Variants in C1orf105 observed in about 807,000 individuals in gnomAD.
The protein encoded by C1orf105 is chromosome 1 open reading frame 105.
Under a neutral mutation model 20.8 loss-of-function variants are expected in C1orf105, and 17 were observed. The observed-to-expected ratio is 0.82, with a 90% CI of 0.56 to 1.23. C1orf105 has a LOEUF of 1.23. Ranked by LOEUF, C1orf105 falls within the 50% of genes most tolerant of loss-of-function variation. C1orf105 has a pLI of 0.00. For missense variants in C1orf105, 219 were observed against 213.5 expected (o/e 1.03, Z -0.16); for synonymous variants, 72 against 72.1 (o/e 1.00, Z 0.01).
chr1:172,442,745 T>A, intron 1 of C1orf105: 1 of 832,672 alleles, frequency 1.2e-6, no homozygotes, highest in Non-Finnish European at 2.0e-6. Context: ...GTTGATGTTC[T>A]ACCAACCTTT....
intron 6 of C1orf105, 89 bp downstream of exon 6, chr1:172,465,452 A>G (rs748473711): frequency 7.1e-6 from 7 of 991,880 alleles, no homozygotes; most frequent in Non-Finnish European, 9.6e-6. Flanking sequence ...ATAATTTCTA[A>G]ATTTCCTGAG....
chr1:172,422,404 G>C (rs900909691), intron 1 of C1orf105, among the ~76,000 whole-genome samples: 3 of 152,170 alleles, frequency 2.0e-5, no homozygotes, highest in African/African-American at 7.2e-5. Context: ...CTGCCTTGAA[G>C]GGAAGGACCC....
In C1orf105 at chr1:172,463,149, T is replaced by C. The variant is rs561141085; in HGVS notation, c.341+904T>C. On this transcript the variant is annotated intron_variant, in intron 5 of 6. Transcript: ENST00000367727. Reference sequence around the variant, plus strand: ...GAAGAAGGACTCTGTTTTTACTTTATTACAACATGCAAAACATGGACTCAT... The same window carrying C: ...GAAGAAGGACTCTGTTTTTACTTTACTACAACATGCAAAACATGGACTCAT... Among the ~76,000 whole-genome samples the C allele has an allele frequency of 2.4e-4, 37 of 152,288 alleles. No individual in the cohort carries two copies. The South Asian group carries it at 2.5e-3, about 10-fold the overall frequency.
intron 1 of C1orf105, chr1:172,441,825 TG>T: frequency 1.3e-5 from 21 of 1,613,878 alleles, no homozygotes; most frequent in Non-Finnish European, 1.8e-5. Context: ...TGAGGTAGAA[TG>T]GACACAGACA....
At chr1:172,452,340 T>C (rs1648743917) in intron 3 of C1orf105, among the ~76,000 whole-genome samples, 1 of 152,236 alleles carries the variant, frequency 6.6e-6, no homozygotes, top group South Asian at 2.1e-4. Context: ...CCAAGTGTCC[T>C]ATCAGGTCTC....
chr1:172,446,035 C>T (rs948634122), intron 2 of C1orf105, among the ~76,000 whole-genome samples: 1 of 152,186 alleles, frequency 6.6e-6, no homozygotes, highest in African/African-American at 2.4e-5. Flanking sequence ...ACTGTCTCCA[C>T]ATCCCCACTT....
chr1:172,435,946 C>T (rs1449683274), intron 1 of C1orf105, among the ~76,000 whole-genome samples: 3 of 152,122 alleles, frequency 2.0e-5, no homozygotes, highest in Non-Finnish European at 4.4e-5. Context: ...TTCCTATACA[C>T]CAATAACAGA....
intron 4 of C1orf105, among the ~76,000 whole-genome samples, chr1:172,459,129 T>A (rs1649515851): frequency 1.3e-5 from 2 of 152,090 alleles, no homozygotes; most frequent in Non-Finnish European, 2.9e-5. Context: ...TGACCTTGGA[T>A]AAGGCAATGG....
chr1:172,465,491 T>C (rs1388814087), intron 6 of C1orf105, 128 bp downstream of exon 6: 1 of 771,710 alleles, frequency 1.3e-6, no homozygotes. Context: ...CCCTTTCTCT[T>C]TCACGTATTG....
At position 172,468,671 on chromosome 1, in the gene C1orf105, T is replaced by C; in HGVS notation, c.*77T>C. 6.9e-7 allele frequency: 1 copy of C among 1,448,054 alleles called. No individual in the cohort carries two copies. Among genetic ancestry groups the C allele is most frequent in the Non-Finnish European group, 9.4e-7 (1 of 1,068,110 alleles). 89.7% of individuals were successfully genotyped at this position (1,448,054 alleles called of 1,614,324 possible). A position where few individuals can be genotyped will look rare whatever the true frequency, so the allele number is the denominator to read the frequency against. On this transcript the variant is annotated 3_prime_UTR_variant, in exon 7 of 7. Coordinates refer to ENST00000367727, the MANE Select transcript of C1orf105 (RefSeq NM_139240.4). ...AAGCCAATCTTTGACACTGGCACCTTCTCCTCACAATTTTCTCTCTTCTCC... is the reference window on the plus strand; with the variant it reads ...AAGCCAATCTTTGACACTGGCACCTCCTCCTCACAATTTTCTCTCTTCTCC...
At position 172,462,243 on chromosome 1, in the gene C1orf105, T is replaced by C. The variant is rs780419221; in HGVS notation, c.339T>C (p.Tyr113=). 7.5e-6 allele frequency: 12 copies of C among 1,601,926 alleles called. No individual in the cohort carries two copies. The highest frequency in any genetic ancestry group is 9.4e-6 in the Non-Finnish European group (11 of 1,172,340). Residue 113 remains tyrosine, a splice_region_variant and synonymous_variant, in exon 5 of 7, where the codon TAT becomes TAC. Coordinates refer to ENST00000367727, the MANE Select transcript of C1orf105 (RefSeq NM_139240.4). ...PKASFENCMS[Y]RMSLHQPKFQ... ...CATCCTTTGAGAATTGTATGAGTTA[T>C]AGGTAAGTCAACAATTTAAATCAGG...
In C1orf105 at chr1:172,420,786, T is replaced by A; in HGVS notation, c.-100T>A. On this transcript the variant is annotated 5_prime_UTR_variant, in exon 1 of 7. Transcript: ENST00000367727. ...GTCTCCTAACAAAAAACACTTTGGA[T>A]TCAGGTTCTCCACAGCAGTCTTCCA... 1 of 1,230,666 alleles carries A rather than the reference T, an allele frequency of 8.1e-7. No individual in the cohort carries two copies. Among genetic ancestry groups the A allele is most frequent in the South Asian group, 1.3e-5 (1 of 76,348 alleles). The allele number at this position is 1,230,666 out of a possible 1,614,324, so 76.2% of individuals were successfully genotyped here. A position where few individuals can be genotyped will look rare whatever the true frequency, so the allele number is the denominator to read the frequency against.
intron 1 of C1orf105, chr1:172,431,350 G>A (rs2149161132): frequency 2.9e-6 from 1 of 342,688 alleles, no homozygotes; most frequent in East Asian, 4.4e-5. Context: ...AGTTATAGTG[G>A]TCTGTATAAA....
At position 172,452,852 on chromosome 1, in the gene C1orf105, G is replaced by A; in HGVS notation, c.199-3563G>A. ...CCCCATTAACATTCCAGTGCCTCTG[G>A]CTCTAGACCTGATAAAACCAGAGCA... On this transcript the variant is annotated intron_variant, in intron 3 of 6. Transcript: ENST00000367727. 4 of 1,432,176 alleles carry A rather than the reference G, an allele frequency of 2.8e-6. No individual in the cohort carries two copies. In the South Asian group the frequency reaches 4.5e-5, roughly 16 times the overall value. The allele number at this position is 1,432,176 out of a possible 1,614,324, so 88.7% of individuals were successfully genotyped here.
At chr1:172,444,907 G>C (rs1647799057) in intron 1 of C1orf105, among the ~76,000 whole-genome samples, 166 bp from the exon 2 acceptor site, 1 of 152,206 alleles carries the variant, frequency 6.6e-6, no homozygotes, top group African/African-American at 2.4e-5. Context: ...AAATGGAGAT[G>C]ACATTATTTG....
In C1orf105 at chr1:172,451,774, TATC is replaced by T. The variant is rs142055331; in HGVS notation, c.198+3246_198+3248del. 4.7e-3 allele frequency among the ~76,000 whole-genome samples: 709 copies of T among 152,046 alleles called. 12 individuals carry two copies. Among genetic ancestry groups the T allele is most frequent in the African/African-American group, 0.016 (673 of 41,490 alleles). ...TTTCAGATAGAAGGAACATGTGTAATATCATAAGGTTTTTTTTGAATATTGAAA... is the reference window on the plus strand; with the variant it reads ...TTTCAGATAGAAGGAACATGTGTAATATAAGGTTTTTTTTGAATATTGAAA... On this transcript the variant is annotated intron_variant, in intron 3 of 6. Coordinates refer to ENST00000367727, the MANE Select transcript of C1orf105 (RefSeq NM_139240.4).
chr1:172,453,149 C>T (rs1490953179), intron 3 of C1orf105: 1 of 1,551,062 alleles, frequency 6.4e-7, no homozygotes. Context: ...AATGGAGCAG[C>T]TCTTCTTGGA....
At chr1:172,421,101 C>A (rs764955019) in intron 1 of C1orf105, among the ~76,000 whole-genome samples, 195 bp downstream of exon 1, 3 of 152,116 alleles carry the variant, frequency 2.0e-5, no homozygotes, top group Non-Finnish European at 2.9e-5. Context: ...GGGTTTGGGG[C>A]ATGATAAATT....
intron 3 of C1orf105, among the ~76,000 whole-genome samples, chr1:172,455,695 T>G (rs1166641954): frequency 6.6e-6 from 1 of 152,184 alleles, no homozygotes; most frequent in Non-Finnish European, 1.5e-5. Context: ...GTGGTTACAG[T>G]GAGCAGACAC....
Sources: allele counts gnomAD v4.1 joint callset (sites outside exome capture counted in the v4.1 genomes callset), GRCh38; gene constraint gnomAD v4.1.1; transcripts MANE v1.5; gene names NCBI Gene and HGNC (gene_info 2026-07-23, HGNC 2026-07-21).